GNB3: variants seen among roughly 807,000 people sequenced by gnomAD.
GNB3 encodes the protein guanine nucleotide-binding protein G(I)/G(S)/G(T) subunit beta-3.
GNB3 carries 33 observed loss-of-function variants against 41.2 expected under a neutral mutation model. The observed-to-expected ratio is 0.80, with a 90% CI of 0.61 to 1.07. GNB3 has a LOEUF of 1.07. Ranked by LOEUF, GNB3 falls within the 50% of genes least tolerant of loss-of-function variation. The pLI is 0.00. For synonymous variants in GNB3, 172 were observed against 173.4 expected (o/e 0.99, Z 0.06); for missense variants, 409 against 455.3 (o/e 0.90, Z 0.92).
At chr12:6,846,746 C>A in intron 9 of GNB3, 46 bp from the exon 10 acceptor site, 1 of 1,150,936 alleles carries the variant, frequency 8.7e-7, no homozygotes, top group Non-Finnish European at 1.3e-6. Flanking sequence ...CACTGCTTTC[C>A]AAATCAGCTT....
Position 6,843,235 on chromosome 12 carries a change from AAGGTACC to A in GNB3, c.267+1_267+7del. 1 of 1,613,724 alleles carries A rather than the reference AAGGTACC, an allele frequency of 6.2e-7. No individual in the cohort carries two copies. Among genetic ancestry groups the A allele is most frequent in the Non-Finnish European group, 8.5e-7 (1 of 1,179,726 alleles). Reference sequence around the variant, plus strand: ...CGTGTGGGACAGCTACACCACCAACAAGGTACCAGCCCTGCCTCCCTGAGCCTCCACC... The same window carrying A: ...CGTGTGGGACAGCTACACCACCAACAAGCCCTGCCTCCCTGAGCCTCCACC... On this transcript the variant is annotated splice_donor_variant and splice_donor_5th_base_variant and coding_sequence_variant and intron_variant, in exon 5 of 10. Coordinates refer to ENST00000229264, the MANE Select transcript of GNB3 (RefSeq NM_002075.4). LOFTEE classifies it high-confidence loss of function. The surrounding 1 kb of genome is among the most constrained non-coding windows in gnomAD (Gnocchi z 5.9).
chr12:6,845,953 C>T (rs897165438), intron 9 of GNB3, 151 bp downstream of exon 9: 1 of 634,534 alleles, frequency 1.6e-6, no homozygotes. Flanking sequence ...ATCCAGTACC[C>T]CTTGGTTCCC....
At position 6,843,554 on chromosome 12, in the gene GNB3, T is replaced by C; in HGVS notation, c.430+29T>C. On this transcript the variant is annotated intron_variant, in intron 6 of 9. Transcript: ENST00000229264. The surrounding 1 kb of genome is among the most constrained non-coding windows in gnomAD (Gnocchi z 5.9). ...AGGGAGAGACCCTCTCCTCCCCTCC[T>C]GAGGGGTTCAGGGAACCCTGGGCTT... The C allele has an allele frequency of 6.2e-7, 1 of 1,611,814 alleles. No individual in the cohort carries two copies. Among genetic ancestry groups the C allele is most frequent in the Non-Finnish European group, 8.5e-7 (1 of 1,177,850 alleles).
chr12:6,845,754 G>A lies in GNB3; in HGVS notation c.868G>A (p.Asp290Asn), dbSNP rs782763999. ...LSGRLLFAGY[D>N]DFNCNVWDSM... is the part of the protein sequence containing the mutation. ...TGGCCGCCTACTATTCGCTGGCTACGACGACTTCAACTGCAATGTCTGGGA... is the reference window on the plus strand; with the variant it reads ...TGGCCGCCTACTATTCGCTGGCTACAACGACTTCAACTGCAATGTCTGGGA... The change falls in exon 9 of 10, where the codon GAC becomes AAC. Residue 290 changes from aspartate to asparagine, a missense_variant. Coordinates refer to ENST00000229264, the MANE Select transcript of GNB3 (RefSeq NM_002075.4). The A allele has an allele frequency of 1.2e-5, 19 of 1,613,994 alleles. No individual in the cohort carries two copies. In the South Asian group the frequency reaches 2.0e-4, roughly 17 times the overall value.
At chr12:6,842,750 G>A (rs974907171) in intron 3 of GNB3, among the ~76,000 whole-genome samples, 1 of 152,182 alleles carries the variant, frequency 6.6e-6, no homozygotes, top group Non-Finnish European at 1.5e-5. Context: ...ACACTGGAGA[G>A]GTGCTTGTTA....
chr12:6,843,754 AC>A lies in GNB3; in HGVS notation c.498-22del. The A allele has an allele frequency of 1.9e-6, 3 of 1,612,830 alleles. No individual in the cohort carries two copies. Among genetic ancestry groups the A allele is most frequent in the Middle Eastern group, 1.7e-4 (1 of 6,058 alleles). On this transcript the variant is annotated intron_variant, in intron 7 of 9. Transcript: ENST00000229264. This position sits in a 1 kb window ranked among gnomAD's most constrained non-coding sequence, Gnocchi z 5.9. ...TGGGAGTGGGCCCGGCCTTTCTCTA[AC>A]AGTCTCCCTCCATTTTGGCAGTGCC...
intron 3 of GNB3, chr12:6,841,914 A>C: frequency 3.3e-6 from 2 of 598,892 alleles, no homozygotes; most frequent in African/African-American, 1.8e-5. Context: ...GTAAATTATA[A>C]AGCCCTTGTA....
At chr12:6,841,915 A>G (rs782720270) in intron 3 of GNB3, 1 of 594,732 alleles carries the variant, frequency 1.7e-6, no homozygotes, top group Non-Finnish European at 3.1e-6. Context: ...TAAATTATAA[A>G]GCCCTTGTAG....
intron 2 of GNB3, 41 bp downstream of exon 2, chr12:6,841,385 T>C: frequency 6.4e-7 from 1 of 1,568,718 alleles, no homozygotes; most frequent in Non-Finnish European, 8.8e-7. Context: ...AGAAAACAGC[T>C]GGGGACATGA....
intron 3 of GNB3, 25 bp downstream of exon 3, chr12:6,841,649 G>T (rs1239681447): frequency 6.3e-7 from 1 of 1,592,148 alleles, no homozygotes; most frequent in Non-Finnish European, 8.6e-7. Flanking sequence ...CCCCCGGAAG[G>T]CAGGGCATGG....
At position 6,844,091 on chromosome 12, in the gene GNB3, G is replaced by GTCTTTTTTT. The variant is rs1432718669; in HGVS notation, c.699+114_699+115insCTTTTTTTT. 2.7e-4 allele frequency: 69 copies of GTCTTTTTTT among 258,850 alleles called. 14 individuals are homozygous for GTCTTTTTTT. In the East Asian group the frequency reaches 4.3e-3, roughly 16 times the overall value. 16.0% of individuals were successfully genotyped at this position (258,850 alleles called of 1,614,324 possible). A position where few individuals can be genotyped will look rare whatever the true frequency, so the allele number is the denominator to read the frequency against. On this transcript the variant is annotated intron_variant, in intron 8 of 9. Transcript: ENST00000229264. The stretch of plus-strand genomic sequence containing the variant: ...ATAGCTTCCCTAGCCCTTTCTTACT[G>GTCTTTTTTT]TATTTTTTTTTTTTTTTTTTTTTTT...
Position 6,843,217 on chromosome 12 carries a change from G to A in GNB3, c.247G>A (p.Asp83Asn), listed in dbSNP as rs782285044. 6.2e-7 allele frequency: 1 copy of A among 1,613,872 alleles called. No individual in the cohort carries two copies. Among genetic ancestry groups the A allele is most frequent in the South Asian group, 1.1e-5 (1 of 91,074 alleles). ...ASQDGKLIVWDSYTTNKVHAI... is the reference protein window; with the variant it reads ...ASQDGKLIVWNSYTTNKVHAI... ...GCAAGATGGGAAGCTGATCGTGTGG[G>A]ACAGCTACACCACCAACAAGGTACC... The change falls in exon 5 of 10, where the codon GAC becomes AAC. Residue 83 changes from aspartate (D) to asparagine (N), a missense_variant. Coordinates refer to ENST00000229264, the MANE Select transcript of GNB3 (RefSeq NM_002075.4). The surrounding 1 kb of genome is among the most constrained non-coding windows in gnomAD (Gnocchi z 5.9).
rs201467320 is a variant in GNB3 at position 6,843,233 on chromosome 12, A to G, written c.263A>G (p.Asn88Ser). 3.1e-6 allele frequency: 5 copies of G among 1,613,858 alleles called. No homozygotes were observed. The highest frequency in any genetic ancestry group is 1.3e-5 in the African/African-American group (1 of 74,996). ...ATCGTGTGGGACAGCTACACCACCA[A>G]CAAGGTACCAGCCCTGCCTCCCTGA... ...KLIVWDSYTT[N>S]KVHAIPLRSS... The change falls in exon 5 of 10, where the codon AAC becomes AGC. Residue 88 changes from asparagine to serine, a missense_variant. Coordinates refer to ENST00000229264, the MANE Select transcript of GNB3 (RefSeq NM_002075.4). This position sits in a 1 kb window ranked among gnomAD's most constrained non-coding sequence, Gnocchi z 5.9.
Position 6,841,330 on chromosome 12 carries a change from A to T in GNB3, c.43A>T (p.Lys15Ter). 1 of 1,610,674 alleles carries T rather than the reference A, an allele frequency of 6.2e-7. No homozygotes were observed. Among genetic ancestry groups the T allele is most frequent in the East Asian group, 2.2e-5 (1 of 44,850 alleles). Residue 15 changes from lysine (K) to a stop codon, truncating the protein, a stop_gained, in exon 2 of 10, where the codon AAG becomes TAG. Coordinates refer to ENST00000229264, the MANE Select transcript of GNB3 (RefSeq NM_002075.4). LOFTEE classifies it high-confidence loss of function. Reference protein sequence around the residue: ...EQLRQEAEQLKKQIADARKAC... With the variant: ...EQLRQEAEQL The stretch of plus-strand genomic sequence containing the variant: ...ACTGCGTCAGGAAGCGGAGCAGCTC[A>T]AGAAGCAGATTGCAGTAACTCCAGA...
In GNB3 at chr12:6,847,076, G is replaced by C; in HGVS notation, c.*178G>C. 1.7e-6 allele frequency: 1 copy of C among 583,652 alleles called. No individual in the cohort carries two copies. The highest frequency in any genetic ancestry group is 3.1e-6 in the Non-Finnish European group (1 of 323,834). 36.2% of individuals were successfully genotyped at this position (583,652 alleles called of 1,614,324 possible). On this transcript the variant is annotated 3_prime_UTR_variant, in exon 10 of 10. Transcript: ENST00000229264. ...TTGGGAGGCAGCATCAGGGACACAG[G>C]GGCAAAGAACTGCCCCATCTCCTCC...
chr12:6,843,023 G>C lies in GNB3; in HGVS notation c.150G>C (p.Thr50=), dbSNP rs1382910777. ...GAGTCCAGATGCGGACGCGGCGGACGTTAAGGGGACACCTGGCCAAGATTT... is the reference window on the plus strand; with the variant it reads ...GAGTCCAGATGCGGACGCGGCGGACCTTAAGGGGACACCTGGCCAAGATTT... ...VGRVQMRTRR[T]LRGHLAKIYA... Residue 50 remains threonine (T), a synonymous_variant, in exon 4 of 10, where the codon ACG becomes ACC. Coordinates refer to ENST00000229264, the MANE Select transcript of GNB3 (RefSeq NM_002075.4). This position sits in a 1 kb window ranked among gnomAD's most constrained non-coding sequence, Gnocchi z 5.9. 6.3e-7 allele frequency: 1 copy of C among 1,575,684 alleles called. No homozygotes were observed. Among genetic ancestry groups the C allele is most frequent in the Admixed American group, 1.7e-5 (1 of 58,238 alleles).
rs1943632632 is a variant in GNB3 at position 6,844,091 on chromosome 12, GTATT to G, written c.699+115_699+118del. On this transcript the variant is annotated intron_variant, in intron 8 of 9. Coordinates refer to ENST00000229264, the MANE Select transcript of GNB3 (RefSeq NM_002075.4). ...ATAGCTTCCCTAGCCCTTTCTTACT[GTATT>G]TTTTTTTTTTTTTTTTTTTTTTTTG... The G allele has an allele frequency of 1.1e-3, 286 of 258,640 alleles. 8 individuals carry two copies. The highest frequency in any genetic ancestry group is 3.6e-3 in the Middle Eastern group (3 of 842). The allele number at this position is 258,640 out of a possible 1,614,324, so 16.0% of individuals were successfully genotyped here.
rs1943574909 is a variant in GNB3, at chr12:6,841,588, T to C, written c.60T>C (p.Asp20=). The change falls in exon 3 of 10, where the codon GAT becomes GAC. Residue 20 remains aspartate, a splice_region_variant and synonymous_variant. Coordinates refer to ENST00000229264, the MANE Select transcript of GNB3 (RefSeq NM_002075.4). Reference sequence around the variant, plus strand: ...CCTGATGTCTGCTTTCCCTGCAGGATGCCAGGAAAGCCTGTGCTGACGTTA... The same window carrying C: ...CCTGATGTCTGCTTTCCCTGCAGGACGCCAGGAAAGCCTGTGCTGACGTTA... ...EAEQLKKQIA[D]ARKACADVTL... The C allele has an allele frequency of 1.2e-6, 2 of 1,613,556 alleles. No homozygotes were observed. The highest frequency in any genetic ancestry group is 2.2e-5 in the East Asian group (1 of 44,872).
rs1733523366 is a variant in GNB3 at position 6,843,066 on chromosome 12, A to G, written c.193A>G (p.Thr65Ala). ...CAAGATTTACGCCATGCACTGGGCCACTGATTCTAAGTGAGGCTTGGGGGG... is the reference window on the plus strand; with the variant it reads ...CAAGATTTACGCCATGCACTGGGCCGCTGATTCTAAGTGAGGCTTGGGGGG... ...LAKIYAMHWA[T>A]DSKLLVSASQ... Residue 65 changes from threonine (T) to alanine (A), a missense_variant, in exon 4 of 10, where the codon ACT becomes GCT. By Grantham distance (58) the Thr-to-Ala change is moderately conservative. Coordinates refer to ENST00000229264, the MANE Select transcript of GNB3 (RefSeq NM_002075.4). This position sits in a 1 kb window ranked among gnomAD's most constrained non-coding sequence, Gnocchi z 5.9. 2.5e-6 allele frequency: 4 copies of G among 1,601,436 alleles called. No homozygotes were observed. The highest frequency in any genetic ancestry group is 3.4e-6 in the Non-Finnish European group (4 of 1,170,342).
Sources: gnomAD v4.1 joint callset for allele counts (sites outside exome capture counted in the v4.1 genomes callset) on GRCh38, gnomAD v4.1.1 for gene constraint, Gnocchi (gnomAD v3.1) non-coding constraint, MANE v1.5 for transcripts, NCBI Gene and HGNC (gene_info 2026-07-23, HGNC 2026-07-21) for gene names.